Variants in CLVS1 observed in about 807,000 individuals in gnomAD.
CLVS1 encodes clavesin 1.
A neutral mutation model predicts 33.1 loss-of-function variants in CLVS1; 10 were observed. The observed-to-expected ratio is 0.30, with a 90% CI of 0.19 to 0.51. The LOEUF is 0.51. CLVS1 is among the 20% of genes least tolerant of loss of function. The pLI is 0.97. For synonymous variants in CLVS1, 163 were observed against 166.1 expected (o/e 0.98, Z 0.14); for missense variants, 343 against 433.4 (o/e 0.79, Z 1.85).
At chr8:61,415,769 G>A (rs577725671) in intron 3 of CLVS1, among the ~76,000 whole-genome samples, 56 of 152,220 alleles carry the variant, frequency 3.7e-4, no homozygotes, top group African/African-American at 1.3e-3. Flanking sequence ...GAAGTTAATT[G>A]CACATGTGTA....
intron 2 of CLVS1, among the ~76,000 whole-genome samples, chr8:61,322,008 A>AT (rs1235068449): frequency 6.6e-6 from 1 of 151,984 alleles, no homozygotes; most frequent in East Asian, 1.9e-4. Flanking sequence ...TGTTTAACCT[A>AT]TTTTTTTATG....
chr8:60,999,250 A>C, the CLVS1 span, among the ~76,000 whole-genome samples: 1 of 152,196 alleles, frequency 6.6e-6, no homozygotes, highest in Non-Finnish European at 1.5e-5. Context: ...TTACTGTGCA[A>C]AGGAACATGG....
chr8:61,184,255 G>T (rs561302283), intron 2 of CLVS1, among the ~76,000 whole-genome samples: 1 of 152,320 alleles, frequency 6.6e-6, no homozygotes, highest in South Asian at 2.1e-4. Context: ...CCCAACCGAG[G>T]CATTGGAAGT....
intron 3 of CLVS1, among the ~76,000 whole-genome samples, chr8:61,452,891 A>T (rs1051529873): frequency 6.6e-6 from 1 of 152,180 alleles, no homozygotes; most frequent in Non-Finnish European, 1.5e-5. Flanking sequence ...CTCACACTGG[A>T]AACTAGGTCT....
chr8:61,483,399 T>G (rs1803742573), intron 5 of CLVS1, among the ~76,000 whole-genome samples: 1 of 152,178 alleles, frequency 6.6e-6, no homozygotes, highest in Non-Finnish European at 1.5e-5. Flanking sequence ...CAGGAAGAAG[T>G]TGAATCCCTG....
In CLVS1 at chr8:61,499,361, A is replaced by AAAG. The variant is rs1323274507; in HGVS notation, c.978-92_978-90dup. 3 of 817,730 alleles carry AAAG rather than the reference A, an allele frequency of 3.7e-6. No homozygotes were observed. In the African/African-American group the frequency reaches 5.3e-5, roughly 14 times the overall value. 50.7% of individuals were successfully genotyped at this position (817,730 alleles called of 1,614,324 possible). A position where few individuals can be genotyped will look rare whatever the true frequency, so the allele number is the denominator to read the frequency against. On this transcript the variant is annotated intron_variant, in intron 5 of 5. Coordinates refer to ENST00000325897, the MANE Select transcript of CLVS1 (RefSeq NM_173519.3). ...CAGTTAATTTTTGAGTGTCTATTAA[A>AAAG]AAGAGAAATATAAAATCCGGATGTC...
At chr8:61,238,233 T>G (rs1159998426) in intron 2 of CLVS1, among the ~76,000 whole-genome samples, 2 of 152,146 alleles carry the variant, frequency 1.3e-5, no homozygotes, top group Non-Finnish European at 2.9e-5. Context: ...GACCTTCGGC[T>G]GCAGTTTTTG....
chr8:61,436,492 C>A lies in CLVS1; in HGVS notation c.631-17649C>A, dbSNP rs112575361. Among the ~76,000 whole-genome samples, 1,178 of 152,274 alleles carry A rather than the reference C, an allele frequency of 7.7e-3. 21 individuals carry two copies. The highest frequency in any genetic ancestry group is 0.027 in the African/African-American group (1,119 of 41,542). On this transcript the variant is annotated intron_variant, in intron 3 of 5. Coordinates refer to ENST00000325897, the MANE Select transcript of CLVS1 (RefSeq NM_173519.3). ...GACACTTCTCAGCCTGCATCTTATTCAGCCTCTCAGGAGCATTCAACACCA... is the reference window on the plus strand; with the variant it reads ...GACACTTCTCAGCCTGCATCTTATTAAGCCTCTCAGGAGCATTCAACACCA...
chr8:61,030,485 A>G, the CLVS1 span, among the ~76,000 whole-genome samples: 1 of 152,082 alleles, frequency 6.6e-6, no homozygotes, highest in Non-Finnish European at 1.5e-5. Flanking sequence ...CTTTGCACAC[A>G]TGGGCATATT....
chr8:61,354,752 T>C (rs1289621377), intron 2 of CLVS1, among the ~76,000 whole-genome samples: 1 of 152,208 alleles, frequency 6.6e-6, no homozygotes, highest in East Asian at 1.9e-4. Context: ...ATTCAATTTC[T>C]ATAACATTTT....
chr8:60,996,971 C>T, the CLVS1 span, among the ~76,000 whole-genome samples: 14 of 151,968 alleles, frequency 9.2e-5, no homozygotes, highest in East Asian at 1.2e-3. Context: ...CCCTCACCCC[C>T]GTCCCCACCT....
intron 1 of CLVS1, among the ~76,000 whole-genome samples, chr8:61,092,668 C>T (rs1047608598): frequency 6.6e-6 from 1 of 152,222 alleles, no homozygotes; most frequent in African/African-American, 2.4e-5. Context: ...TGCTTCATAT[C>T]ACATCACTCA....
chr8:61,195,847 A>G (rs1807594808), intron 2 of CLVS1, among the ~76,000 whole-genome samples: 1 of 152,134 alleles, frequency 6.6e-6, no homozygotes, highest in Non-Finnish European at 1.5e-5. Flanking sequence ...CAGTAATAAA[A>G]AGTAAAAGTA....
chr8:61,073,773 G>A (rs1361287279), intron 1 of CLVS1, among the ~76,000 whole-genome samples: 2 of 152,098 alleles, frequency 1.3e-5, no homozygotes, highest in East Asian at 3.9e-4. Flanking sequence ...AGCACTTTGG[G>A]AGGCCGAGGC....
chr8:61,120,124 C>G (rs1463032724), intron 1 of CLVS1, among the ~76,000 whole-genome samples: 2 of 147,594 alleles, frequency 1.4e-5, no homozygotes, highest in African/African-American at 5.0e-5. Flanking sequence ...TCATTCATTT[C>G]ATCTTCCATC....
intron 4 of CLVS1, among the ~76,000 whole-genome samples, chr8:61,458,098 T>C (rs1426924465): frequency 2.0e-5 from 3 of 152,236 alleles, no homozygotes; most frequent in Non-Finnish European, 2.9e-5. Flanking sequence ...TAAACTTCAT[T>C]TTTAATGACT....
At chr8:61,344,939 C>A (rs1273378579) in intron 2 of CLVS1, among the ~76,000 whole-genome samples, 1 of 151,742 alleles carries the variant, frequency 6.6e-6, no homozygotes, top group African/African-American at 2.4e-5. Context: ...AAAAGTACCA[C>A]ATAGACTGGA....
At chr8:61,304,639 C>T (rs572568912) in intron 2 of CLVS1, among the ~76,000 whole-genome samples, 1 of 152,290 alleles carries the variant, frequency 6.6e-6, no homozygotes, top group Admixed American at 6.5e-5. Context: ...CAATAATTCA[C>T]CATTTGCCCC....
In CLVS1 at chr8:61,215,658, G is replaced by A. The variant is rs548716985; in HGVS notation, c.-152+83798G>A. On this transcript the variant is annotated intron_variant, in intron 2 of 2. Transcript: ENST00000522621. ...CTTTGCATTCAATGGTATTGAACTC[G>A]GAATTATGGCCCTGAAATTGAAAAT... Among the ~76,000 whole-genome samples the A allele has an allele frequency of 9.3e-5, 14 of 150,384 alleles. No homozygotes were observed. The South Asian group carries it at 2.5e-3, about 27-fold the overall frequency.
Sources: gnomAD v4.1 joint callset for allele counts (sites outside exome capture counted in the v4.1 genomes callset) on GRCh38, gnomAD v4.1.1 for gene constraint, MANE v1.5 for transcripts, NCBI Gene and HGNC (gene_info 2026-07-23, HGNC 2026-07-21) for gene names.